Variants in NCAM1 observed in about 807,000 individuals in gnomAD.
NCAM1 encodes neural cell adhesion molecule 1.
Under a neutral mutation model 109.8 loss-of-function variants are expected in NCAM1, and 14 were observed. The ratio of observed to expected loss-of-function variants is 0.13; its 90% CI spans 0.08 to 0.20. NCAM1 has a LOEUF of 0.20. Ranked by LOEUF, NCAM1 falls within the 10% of genes least tolerant of loss-of-function variation. NCAM1 has a pLI of 1.00. For synonymous variants in NCAM1, 418 were observed against 442.9 expected (o/e 0.94, Z 0.70); for missense variants, 774 against 1,109.9 (o/e 0.70, Z 4.30).
chr11:113,122,634 A>G (rs994534879), intron 1 of NCAM1, among the ~76,000 whole-genome samples: 2 of 152,142 alleles, frequency 1.3e-5, no homozygotes, highest in Non-Finnish European at 2.9e-5. Flanking sequence ...AATACAAAAA[A>G]TTAGCCAGGC....
chr11:113,059,370 T>C (rs1953836830), intron 1 of NCAM1, among the ~76,000 whole-genome samples: 1 of 152,192 alleles, frequency 6.6e-6, no homozygotes, highest in Non-Finnish European at 1.5e-5. Flanking sequence ...TTTCCTCCTG[T>C]TGTTGTGAAT....
In NCAM1 at chr11:113,162,791, A is replaced by G. The variant is rs565913167; in HGVS notation, c.53-39588A>G. On this transcript the variant is annotated intron_variant, in intron 1 of 19. Transcript: ENST00000316851. ...ATATTCTCAGTGGGCAGACCACAAG[A>G]CACAGGCAGTGGAGACGCGATCTCA... Among the ~76,000 whole-genome samples the G allele has an allele frequency of 6.6e-5, 10 of 152,276 alleles. No homozygotes were observed. The South Asian group carries it at 2.1e-3, about 32-fold the overall frequency.
At position 113,233,142 on chromosome 11, in the gene NCAM1, C is replaced by G. The variant is rs898118644; in HGVS notation, c.1523-5C>G. 14 of 1,611,314 alleles carry G rather than the reference C, an allele frequency of 8.7e-6. No individual in the cohort carries two copies. The highest frequency in any genetic ancestry group is 1.2e-5 in the Non-Finnish European group (14 of 1,179,242). ...CCTGAGTCTCCATATGTGTCTTCCC[C>G]ACAGACACCCCCTCTTCACCATCCA... On this transcript the variant is annotated splice_polypyrimidine_tract_variant and splice_region_variant and intron_variant, in intron 12 of 19. Coordinates refer to ENST00000316851, the MANE Select transcript of NCAM1 (RefSeq NM_181351.5). The surrounding 1 kb of genome is among the most constrained non-coding windows in gnomAD (Gnocchi z 4.5).
chr11:113,014,527 G>A lies in NCAM1; in HGVS notation c.52+52863G>A, dbSNP rs554025871. Among the ~76,000 whole-genome samples, 26 of 152,274 alleles carry A rather than the reference G, an allele frequency of 1.7e-4. No individual in the cohort carries two copies. In the East Asian group the frequency reaches 2.1e-3, roughly 12 times the overall value. On this transcript the variant is annotated intron_variant, in intron 1 of 19. Transcript: ENST00000316851. ...TTCTTTAAGATGAATGAATGCTGCC[G>A]TAAAGAAGGACTTTTATTGAACTGT...
intron 1 of NCAM1, among the ~76,000 whole-genome samples, chr11:113,019,804 T>C (rs1952331060): frequency 6.6e-6 from 1 of 152,226 alleles, no homozygotes; most frequent in Non-Finnish European, 1.5e-5. Context: ...CTTCCCTCCC[T>C]GAACCAAATA....
At chr11:113,257,092 G>A (rs1209129101) in intron 16 of NCAM1, among the ~76,000 whole-genome samples, 2 of 152,210 alleles carry the variant, frequency 1.3e-5, no homozygotes, top group Non-Finnish European at 2.9e-5. Flanking sequence ...GATGTGAGCT[G>A]AAATAGTAGG....
chr11:113,124,751 A>T (rs1212943806), intron 1 of NCAM1, among the ~76,000 whole-genome samples: 1 of 152,204 alleles, frequency 6.6e-6, no homozygotes, highest in East Asian at 1.9e-4. Flanking sequence ...GTGTGTGTTC[A>T]TTGGGCTCTC....
At chr11:113,271,901 A>G (rs1555125500) in intron 19 of NCAM1, 25 bp downstream of exon 19, 1 of 1,534,082 alleles carries the variant, frequency 6.5e-7, no homozygotes, top group Admixed American at 2.0e-5. Flanking sequence ...AGGGGCTGGC[A>G]CCTGCTCCGT....
At chr11:113,097,208 C>T (rs782598144) in intron 1 of NCAM1, among the ~76,000 whole-genome samples, 5 of 152,194 alleles carry the variant, frequency 3.3e-5, no homozygotes, top group Admixed American at 6.5e-5. Flanking sequence ...CTTCTTCAAG[C>T]TGCAGGCCTT....
chr11:113,232,825 C>T lies in NCAM1; in HGVS notation c.1522+11C>T. ...TCCTTGTTCAAGCAGGTGAGTGTCC[C>T]TTACTCACCTGAGAGCAGCTGCCAC... On this transcript the variant is annotated intron_variant, in intron 12 of 19. Coordinates refer to ENST00000316851, the MANE Select transcript of NCAM1 (RefSeq NM_181351.5). 2 of 1,602,750 alleles carry T rather than the reference C, an allele frequency of 1.2e-6. No individual in the cohort carries two copies. The highest frequency in any genetic ancestry group is 1.7e-6 in the Non-Finnish European group (2 of 1,169,774).
rs181179984 is a variant in NCAM1, at chr11:113,215,814, T to G, written c.1059+1303T>G. On this transcript the variant is annotated intron_variant, in intron 8 of 19. Coordinates refer to ENST00000316851, the MANE Select transcript of NCAM1 (RefSeq NM_181351.5). ...TACTTGGATACTTTCTTTATCAACA[T>G]TAGAATTAAACCCTTAGCTAAGATT... is the stretch of plus-strand genomic sequence containing the variant. 2.3e-3 allele frequency among the ~76,000 whole-genome samples: 353 copies of G among 152,334 alleles called. 10 individuals are homozygous for G. The highest frequency in any genetic ancestry group is 0.022 in the South Asian group (107 of 4,826).
At chr11:113,156,578 T>G (rs1555103457) in intron 1 of NCAM1, among the ~76,000 whole-genome samples, 1 of 152,034 alleles carries the variant, frequency 6.6e-6, no homozygotes, top group Non-Finnish European at 1.5e-5. Flanking sequence ...AGATTTGTCA[T>G]GACGTGGGCA....
chr11:113,105,654 A>G (rs1940122288), intron 1 of NCAM1, among the ~76,000 whole-genome samples: 1 of 152,234 alleles, frequency 6.6e-6, no homozygotes, highest in African/African-American at 2.4e-5. Context: ...AAGTGAAAGA[A>G]GCCAGATAAA....
chr11:113,178,955 G>C (rs1196400576), intron 1 of NCAM1, among the ~76,000 whole-genome samples: 1 of 152,184 alleles, frequency 6.6e-6, no homozygotes, highest in African/African-American at 2.4e-5. Flanking sequence ...CCCAGGACTA[G>C]GACTTGAATG....
intron 1 of NCAM1, among the ~76,000 whole-genome samples, chr11:113,168,911 A>G (rs1057139363): frequency 2.1e-4 from 32 of 152,152 alleles, no homozygotes; most frequent in African/African-American, 6.8e-4. Context: ...GTGATTAAGC[A>G]TAAGCTTTCT....
At chr11:113,170,723 C>T (rs114751691) in intron 1 of NCAM1, among the ~76,000 whole-genome samples, 283 of 151,304 alleles carry the variant, frequency 1.9e-3, no homozygotes, top group African/African-American at 6.5e-3. Context: ...AAACAGTGGG[C>T]CTAAAAAAAC....
intron 1 of NCAM1, among the ~76,000 whole-genome samples, chr11:113,076,608 T>G (rs1324394361): frequency 6.6e-6 from 1 of 152,204 alleles, no homozygotes; most frequent in Non-Finnish European, 1.5e-5. Flanking sequence ...ATCAAACCAT[T>G]TCTTCTAATG....
intron 1 of NCAM1, among the ~76,000 whole-genome samples, chr11:113,027,763 C>G (rs554114864): frequency 6.6e-6 from 1 of 152,290 alleles, no homozygotes; most frequent in East Asian, 1.9e-4. Flanking sequence ...CATGAGCTAA[C>G]TTTTCTAAGA....
chr11:113,264,968 G>A, intron 17 of NCAM1: 1 of 985,472 alleles, frequency 1.0e-6, no homozygotes, highest in Non-Finnish European at 1.2e-6. Flanking sequence ...GCAGGAGTGA[G>A]TGCACCCCAC....
Sources: allele counts gnomAD v4.1 joint callset (sites outside exome capture counted in the v4.1 genomes callset), GRCh38; gene constraint gnomAD v4.1.1; non-coding constraint Gnocchi (gnomAD v3.1); transcripts MANE v1.5; gene names NCBI Gene and HGNC (gene_info 2026-07-23, HGNC 2026-07-21).